Variants in SEPTIN5 observed in about 807,000 individuals in gnomAD.
SEPTIN5 encodes the protein septin-5.
In SEPTIN5, 16 loss-of-function variants were observed where a neutral mutation model predicts 51.2. The observed-to-expected ratio is 0.31, with a 90% confidence interval of 0.21 to 0.47. The LOEUF (loss-of-function observed/expected upper bound fraction) is 0.47, where lower values mean the gene tolerates loss of function less well. SEPTIN5 is among the 20% of genes least tolerant of loss of function. The probability of loss-of-function intolerance (pLI) is 0.99; values close to 1 mark genes in which losing one functional copy is unlikely to be tolerated. For synonymous variants in SEPTIN5, 208 were observed against 191.2 expected (o/e 1.09, Z -0.72); for missense variants, 376 against 500.3 (o/e 0.75, Z 2.37).
chr22:19,714,909 T>C lies in SEPTIN5; in HGVS notation c.54+118T>C. On this transcript the variant is annotated intron_variant, in intron 2 of 11. Coordinates refer to ENST00000455784, the MANE Select transcript of SEPTIN5 (RefSeq NM_002688.6). This position sits in a 1 kb window ranked among gnomAD's most constrained non-coding sequence, Gnocchi z 5.2. ...CCCCGCCGGCCCTCACCCAGCCCTGTCGCGATCACCGATTGTCAGCCGGGC... is the reference window on the plus strand; with the variant it reads ...CCCCGCCGGCCCTCACCCAGCCCTGCCGCGATCACCGATTGTCAGCCGGGC... The C allele has an allele frequency of 2.3e-6, 3 of 1,303,474 alleles. No homozygotes were observed. The highest frequency in any genetic ancestry group is 3.1e-6 in the Non-Finnish European group (3 of 967,148). The allele number at this position is 1,303,474 out of a possible 1,614,324, so 80.7% of individuals were successfully genotyped here.
rs1157150103 is a variant in SEPTIN5 at position 19,719,880 on chromosome 22, C to A, written c.226C>A (p.Leu76Ile). 6.2e-7 allele frequency: 1 copy of A among 1,612,884 alleles called. No homozygotes were observed. Among genetic ancestry groups the A allele is most frequent in the South Asian group, 1.1e-5 (1 of 91,080 alleles). ...AGACTTGTACAAGGACCGGAAGCTG[C>A]TCAGTGCTGAGGGTGAGTGGCCCCC... ...LTDLYKDRKLLSAEERISQTV... is the reference protein window; with the variant it reads ...LTDLYKDRKLISAEERISQTV... Residue 76 changes from leucine (L) to isoleucine (I), a missense_variant, in exon 4 of 12, where the codon CTC becomes ATC. This residue lies in a region of SEPTIN5 where 287 missense variants were observed against 417.1 expected (regional missense o/e 0.69). Transcript: ENST00000455784.
chr22:19,714,830 C>T lies in SEPTIN5; in HGVS notation c.54+39C>T, dbSNP rs993663729. ...GCCGCTCCCCCGCCGGGAGACCCGG[C>T]CGGCTGTCACCCATTGTGACACTAG... is the stretch of plus-strand genomic sequence containing the variant. On this transcript the variant is annotated intron_variant, in intron 2 of 11. Coordinates refer to ENST00000455784, the MANE Select transcript of SEPTIN5 (RefSeq NM_002688.6). This position sits in a 1 kb window ranked among gnomAD's most constrained non-coding sequence, Gnocchi z 5.2. 3 of 1,589,016 alleles carry T rather than the reference C, an allele frequency of 1.9e-6. No individual in the cohort carries two copies. The highest frequency in any genetic ancestry group is 1.7e-5 in the Admixed American group (1 of 59,096).
chr22:19,723,056 A>G lies in SEPTIN5; in HGVS notation c.*572A>G, dbSNP rs1601246851. The G allele has an allele frequency of 1.2e-5, 6 of 498,812 alleles. No homozygotes were observed. The highest frequency in any genetic ancestry group is 1.9e-5 in the Non-Finnish European group (5 of 260,558). The allele number at this position is 498,812 out of a possible 1,614,324, so 30.9% of individuals were successfully genotyped here. The stretch of plus-strand genomic sequence containing the variant: ...AAGGAGCGGGGTCGTGACCGCTTAC[A>G]CCCCTTCTCCACAGCCCGGCCCGAC... On this transcript the variant is annotated 3_prime_UTR_variant, in exon 12 of 12. Coordinates refer to ENST00000455784, the MANE Select transcript of SEPTIN5 (RefSeq NM_002688.6).
Position 19,714,659 on chromosome 22 carries a change from G to A in SEPTIN5, c.43+28G>A. The A allele has an allele frequency of 1.3e-6, 2 of 1,511,832 alleles. No individual in the cohort carries two copies. Among genetic ancestry groups the A allele is most frequent in the African/African-American group, 1.4e-5 (1 of 69,292 alleles). The allele number at this position is 1,511,832 out of a possible 1,614,324, so 93.7% of individuals were successfully genotyped here. A position where few individuals can be genotyped will look rare whatever the true frequency, so the allele number is the denominator to read the frequency against. ...GAGCCCAGCGCCTGCCCGCGTGCCC[G>A]CGCGCGCCTTTGTCCCCGCCGCCCG... On this transcript the variant is annotated intron_variant, in intron 1 of 11. Coordinates refer to ENST00000455784, the MANE Select transcript of SEPTIN5 (RefSeq NM_002688.6). This position sits in a 1 kb window ranked among gnomAD's most constrained non-coding sequence, Gnocchi z 5.2.
chr22:19,717,086 G>A, intron 2 of SEPTIN5: 1 of 318,012 alleles, frequency 3.1e-6, no homozygotes, highest in South Asian at 2.3e-5. Flanking sequence ...CTCCTCCCCA[G>A]GTGCCAGTGG....
chr22:19,721,712 C>T lies in SEPTIN5; in HGVS notation c.790C>T (p.Leu264=). The T allele has an allele frequency of 6.2e-7, 1 of 1,611,274 alleles. No individual in the cohort carries two copies. The highest frequency in any genetic ancestry group is 1.3e-5 in the African/African-American group (1 of 75,028). Residue 264 remains leucine, a synonymous_variant, in exon 9 of 12, where the codon CTG becomes TTG. Coordinates refer to ENST00000455784, the MANE Select transcript of SEPTIN5 (RefSeq NM_002688.6). The part of the protein sequence containing the change: ...EAKGQRVRGR[L]YPWGIVEVEN... The stretch of plus-strand genomic sequence containing the variant: ...CAAGGGGCAGCGGGTCCGGGGCCGA[C>T]TGTACCCCTGGGGGATCGTGGAGGG...
At position 19,722,640 on chromosome 22, in the gene SEPTIN5, C is replaced by G. The variant is rs1353923187; in HGVS notation, c.*156C>G. The G allele has an allele frequency of 3.6e-6, 3 of 836,494 alleles. No individual in the cohort carries two copies. Among genetic ancestry groups the G allele is most frequent in the Non-Finnish European group, 5.6e-6 (3 of 532,500 alleles). 51.8% of individuals were successfully genotyped at this position (836,494 alleles called of 1,614,324 possible). A position where few individuals can be genotyped will look rare whatever the true frequency, so the allele number is the denominator to read the frequency against. ...CCTCCCAGGTCATTGTGTCTGTTTC[C>G]GAGGGGCCTGGACCGTAGCCCCCGC... On this transcript the variant is annotated 3_prime_UTR_variant, in exon 12 of 12. Coordinates refer to ENST00000455784, the MANE Select transcript of SEPTIN5 (RefSeq NM_002688.6).
At position 19,723,231 on chromosome 22, in the gene SEPTIN5, A is replaced by G; in HGVS notation, c.*747A>G. On this transcript the variant is annotated 3_prime_UTR_variant, in exon 12 of 12. Coordinates refer to ENST00000455784, the MANE Select transcript of SEPTIN5 (RefSeq NM_002688.6). ...GCCTCCCGATGTTCCCACCCGCATGATCCCTTCCCGCCACACGATGCTCCG... is the reference window on the plus strand; with the variant it reads ...GCCTCCCGATGTTCCCACCCGCATGGTCCCTTCCCGCCACACGATGCTCCG... The G allele has an allele frequency of 1.6e-6, 1 of 641,504 alleles. No homozygotes were observed. Among genetic ancestry groups the G allele is most frequent in the Non-Finnish European group, 2.9e-6 (1 of 345,910 alleles). 39.7% of individuals were successfully genotyped at this position (641,504 alleles called of 1,614,324 possible).
At position 19,720,829 on chromosome 22, in the gene SEPTIN5, A is replaced by G; in HGVS notation, c.677A>G (p.Asp226Gly). 1.9e-6 allele frequency: 3 copies of G among 1,613,764 alleles called. No individual in the cohort carries two copies. The highest frequency in any genetic ancestry group is 2.5e-6 in the Non-Finnish European group (3 of 1,180,008). The change falls in exon 8 of 12, where the codon GAC (aspartate) becomes GGC (glycine). Residue 226 changes from aspartate (D) to glycine (G), a missense_variant. By Grantham distance (94) the Asp-to-Gly change is moderately conservative (BLOSUM62 -1). This residue lies in a region of SEPTIN5 where 287 missense variants were observed against 417.1 expected (regional missense o/e 0.69). Coordinates refer to ENST00000455784, the MANE Select transcript of SEPTIN5 (RefSeq NM_002688.6). Reference sequence around the variant, plus strand: ...TACCAGTTCCCTGAGTGTGACTCGGACGAGGATGAGGACTTCAAGCAGCAG... The same window carrying G: ...TACCAGTTCCCTGAGTGTGACTCGGGCGAGGATGAGGACTTCAAGCAGCAG... The part of the protein sequence containing the change: ...HVYQFPECDS[D>G]EDEDFKQQDR...
At chr22:19,722,060 C>A in intron 10 of SEPTIN5, 103 bp downstream of exon 10, 2 of 1,435,954 alleles carry the variant, frequency 1.4e-6, no homozygotes, top group Non-Finnish European at 1.9e-6. Context: ...GAACTTTGCA[C>A]CATTCCCTAA....
In SEPTIN5 at chr22:19,722,954, T is replaced by C. The variant is rs972199636; in HGVS notation, c.*470T>C. 11 of 440,788 alleles carry C rather than the reference T, an allele frequency of 2.5e-5. No homozygotes were observed. The highest frequency in any genetic ancestry group is 6.7e-4 in the Middle Eastern group (1 of 1,484). 27.3% of individuals were successfully genotyped at this position (440,788 alleles called of 1,614,324 possible). A position where few individuals can be genotyped will look rare whatever the true frequency, so the allele number is the denominator to read the frequency against. On this transcript the variant is annotated 3_prime_UTR_variant, in exon 12 of 12. Transcript: ENST00000455784. ...TGTCGAGGCGGGCCGAGTCTTCCCT[T>C]ATCCCCAGACGCCTAGCGGGCAGGG...
At position 19,719,715 on chromosome 22, in the gene SEPTIN5, C is replaced by T. The variant is rs369894224; in HGVS notation, c.151+17C>T. The T allele has an allele frequency of 1.4e-5, 22 of 1,612,482 alleles. No individual in the cohort carries two copies. Among genetic ancestry groups the T allele is most frequent in the Admixed American group, 5.0e-5 (3 of 60,002 alleles). ...TGGTGGCTGGTGAGTGGGCCAGGCT[C>T]CTCGGGGGAGTGGCTGGGGTCACTG... On this transcript the variant is annotated intron_variant, in intron 3 of 11. Transcript: ENST00000455784.
chr22:19,718,649 G>A, intron 2 of SEPTIN5: 1 of 1,282,690 alleles, frequency 7.8e-7, no homozygotes, highest in Non-Finnish European at 9.9e-7. Context: ...AGGCAGAGCC[G>A]CGCCAAGGTC....
At position 19,719,320 on chromosome 22, in the gene SEPTIN5, C is replaced by G; in HGVS notation, c.55-282C>G. On this transcript the variant is annotated intron_variant, in intron 2 of 11. Transcript: ENST00000455784. Reference sequence around the variant, plus strand: ...CCGAGGAGGGAGGACATCGCCTGTGCCTGCTGCGGCCTGACATCTCCCCAC... The same window carrying G: ...CCGAGGAGGGAGGACATCGCCTGTGGCTGCTGCGGCCTGACATCTCCCCAC... 7 of 384,152 alleles carry G rather than the reference C, an allele frequency of 1.8e-5. No individual in the cohort carries two copies. The South Asian group carries it at 2.5e-4, about 14-fold the overall frequency. 23.8% of individuals were successfully genotyped at this position (384,152 alleles called of 1,614,324 possible). A position where few individuals can be genotyped will look rare whatever the true frequency, so the allele number is the denominator to read the frequency against.
rs1568998785 is a variant in SEPTIN5, at chr22:19,722,345, TGG to T, written c.1053+9_1053+10del. Reference sequence around the variant, plus strand: ...TCAGGATGAAGGATGAGGAAGTATGTGGGGCGGCGGGGGCGGCGGAGGCGGGC... The same window carrying T: ...TCAGGATGAAGGATGAGGAAGTATGTGGCGGCGGGGGCGGCGGAGGCGGGC... On this transcript the variant is annotated splice_region_variant and intron_variant, in intron 11 of 11. Coordinates refer to ENST00000455784, the MANE Select transcript of SEPTIN5 (RefSeq NM_002688.6). The T allele has an allele frequency of 6.2e-7, 1 of 1,607,092 alleles. No homozygotes were observed. The highest frequency in any genetic ancestry group is 1.7e-5 in the Admixed American group (1 of 59,444).
chr22:19,719,718 C>G lies in SEPTIN5; in HGVS notation c.151+20C>G, dbSNP rs372443047. On this transcript the variant is annotated intron_variant, in intron 3 of 11. Transcript: ENST00000455784. Reference sequence around the variant, plus strand: ...TGGCTGGTGAGTGGGCCAGGCTCCTCGGGGGAGTGGCTGGGGTCACTGGCC... The same window carrying G: ...TGGCTGGTGAGTGGGCCAGGCTCCTGGGGGGAGTGGCTGGGGTCACTGGCC... 6.2e-7 allele frequency: 1 copy of G among 1,612,088 alleles called. No homozygotes were observed.
intron 2 of SEPTIN5, among the ~76,000 whole-genome samples, chr22:19,716,974 G>C (rs1262300679): frequency 6.6e-6 from 1 of 152,194 alleles, no homozygotes; most frequent in African/African-American, 2.4e-5. Flanking sequence ...GAGGCTTTCT[G>C]GCAGCAAGGA....
chr22:19,721,813 A>ACC lies in SEPTIN5; in HGVS notation c.815-6_815-5dup. ...CGGCGCCAGCCCACTACCCACCCCC[A>ACC]CCCCGCAGTGGAGAACCAGGCGCAT... is the stretch of plus-strand genomic sequence containing the variant. On this transcript the variant is annotated splice_polypyrimidine_tract_variant and intron_variant, in intron 9 of 11. Coordinates refer to ENST00000455784, the MANE Select transcript of SEPTIN5 (RefSeq NM_002688.6). The ACC allele has an allele frequency of 8.5e-6, 6 of 707,206 alleles. No individual in the cohort carries two copies. Among genetic ancestry groups the ACC allele is most frequent in the South Asian group, 1.4e-5 (1 of 69,848 alleles). The allele number at this position is 707,206 out of a possible 1,614,324, so 43.8% of individuals were successfully genotyped here. A position where few individuals can be genotyped will look rare whatever the true frequency, so the allele number is the denominator to read the frequency against.
At position 19,714,687 on chromosome 22, in the gene SEPTIN5, C is replaced by A. The variant is rs1461517348; in HGVS notation, c.43+56C>A. The A allele has an allele frequency of 2.6e-6, 4 of 1,521,932 alleles. No individual in the cohort carries two copies. In the African/African-American group the frequency reaches 4.3e-5, roughly 16 times the overall value. 94.3% of individuals were successfully genotyped at this position (1,521,932 alleles called of 1,614,324 possible). A position where few individuals can be genotyped will look rare whatever the true frequency, so the allele number is the denominator to read the frequency against. On this transcript the variant is annotated intron_variant, in intron 1 of 11. Coordinates refer to ENST00000455784, the MANE Select transcript of SEPTIN5 (RefSeq NM_002688.6). The surrounding 1 kb of genome is among the most constrained non-coding windows in gnomAD (Gnocchi z 5.2). ...CGCGCCTTTGTCCCCGCCGCCCGCGCGCCTCTCACCGTGTCTCTCCGTCTC... is the reference window on the plus strand; with the variant it reads ...CGCGCCTTTGTCCCCGCCGCCCGCGAGCCTCTCACCGTGTCTCTCCGTCTC...
Sources: allele counts gnomAD v4.1 joint callset (sites outside exome capture counted in the v4.1 genomes callset), GRCh38; gene constraint gnomAD v4.1.1; regional missense constraint gnomAD v4.1.1; non-coding constraint Gnocchi (gnomAD v3.1); transcripts MANE v1.5; gene names NCBI Gene and HGNC (gene_info 2026-07-23, HGNC 2026-07-21).